Variants in ZFPM1 observed in about 807,000 individuals in gnomAD.
The protein encoded by ZFPM1 is zinc finger protein, FOG family member 1.
ZFPM1 carries 28 observed loss-of-function variants against 46.3 expected under a neutral mutation model. The observed-to-expected ratio is 0.60, with a 90% CI of 0.45 to 0.83. ZFPM1 has a LOEUF of 0.83. ZFPM1 is among the 40% of genes least tolerant of loss of function. ZFPM1 has a pLI of 0.00. For synonymous variants in ZFPM1, 957 were observed against 675.9 expected (o/e 1.42, Z -6.45); for missense variants, 1,878 against 1,432.4 (o/e 1.31, Z -5.02).
chr16:88,526,858 G>A lies in ZFPM1; in HGVS notation c.447G>A (p.Leu149=), dbSNP rs761061608. ...TGCTGGTGGACGAGGCCTGCTGGCTGAGGACGCTGCCCCAGGCCCTGACTG... is the reference window on the plus strand; with the variant it reads ...TGCTGGTGGACGAGGCCTGCTGGCTAAGGACGCTGCCCCAGGCCCTGACTG... ...TLLLVDEACW[L]RTLPQALTEA... Residue 149 remains leucine, a synonymous_variant, in exon 5 of 10, where the codon CTG becomes CTA. Coordinates refer to ENST00000319555, the MANE Select transcript of ZFPM1 (RefSeq NM_153813.3). The A allele has an allele frequency of 1.6e-5, 25 of 1,574,920 alleles. No homozygotes were observed. The highest frequency in any genetic ancestry group is 3.6e-5 in the Admixed American group (2 of 55,148).
At chr16:88,509,799 A>AC (rs1480010766) in intron 3 of ZFPM1, among the ~76,000 whole-genome samples, 2 of 151,878 alleles carry the variant, frequency 1.3e-5, no homozygotes, top group East Asian at 3.9e-4. Flanking sequence ...CTGCTATGTG[A>AC]CCCCCAGCTG....
intron 4 of ZFPM1, among the ~76,000 whole-genome samples, chr16:88,520,266 G>A (rs767442967): frequency 2.0e-5 from 3 of 151,510 alleles, no homozygotes; most frequent in Non-Finnish European, 4.4e-5. Context: ...ATGGATGAGT[G>A]GATGGATGGA....
intron 9 of ZFPM1, 100 bp from the exon 10 acceptor site, chr16:88,533,048 C>T: frequency 2.0e-6 from 3 of 1,485,544 alleles, no homozygotes; most frequent in South Asian, 2.7e-5. Context: ...CGCTCTAAAC[C>T]ACTCCCGCCC....
intron 3 of ZFPM1, among the ~76,000 whole-genome samples, chr16:88,505,425 C>T (rs928749853): frequency 1.3e-5 from 2 of 152,230 alleles, no homozygotes; most frequent in African/African-American, 2.4e-5. Flanking sequence ...GGGACACAGC[C>T]GTTCAACAGC....
At chr16:88,490,854 G>C (rs1254338545) in intron 3 of ZFPM1, among the ~76,000 whole-genome samples, 4 of 152,222 alleles carry the variant, frequency 2.6e-5, no homozygotes, top group Non-Finnish European at 4.4e-5. Context: ...CGGGCATCCA[G>C]CACAGCAGAT....
At chr16:88,460,027 G>A (rs1477282864) in intron 1 of ZFPM1, among the ~76,000 whole-genome samples, 60 of 151,740 alleles carry the variant, frequency 4.0e-4, no homozygotes, top group Admixed American at 3.9e-3. Flanking sequence ...CCTCTAGCTG[G>A]CTGGCCCTTC....
chr16:88,510,312 CG>C (rs1255744845), intron 3 of ZFPM1, among the ~76,000 whole-genome samples: 13 of 152,206 alleles, frequency 8.5e-5, no homozygotes, highest in Non-Finnish European at 1.9e-4. Context: ...CCAGACCCAC[CG>C]GGCTCCCCTC....
chr16:88,499,645 G>A (rs12232460), intron 3 of ZFPM1, among the ~76,000 whole-genome samples: 8,725 of 152,310 alleles, frequency 0.057, 291 homozygotes, highest in South Asian at 0.11. Context: ...GGTGGAGGAC[G>A]GCTCAGGGGC....
At chr16:88,523,806 G>A (rs1042962823) in intron 4 of ZFPM1, among the ~76,000 whole-genome samples, 8 of 152,174 alleles carry the variant, frequency 5.3e-5, no homozygotes, top group African/African-American at 1.2e-4. Flanking sequence ...CCGGGTCGGG[G>A]GCGGGTGCCG....
At chr16:88,513,361 A>G (rs1911086759) in intron 3 of ZFPM1, 1 of 152,276 alleles carries the variant, frequency 6.6e-6, no homozygotes, top group Non-Finnish European at 1.5e-5. Context: ...GCGTATTTAC[A>G]TGTTATCTCT....
rs2142351885 is a variant in ZFPM1 at position 88,469,027 on chromosome 16, C to T, written c.40+15349C>T. On this transcript the variant is annotated intron_variant, in intron 1 of 9. Transcript: ENST00000319555. The surrounding 1 kb of genome is among the most constrained non-coding windows in gnomAD (Gnocchi z 4.3). ...AGACCCACGTGGCCTCAGTTGGGGA[C>T]CAGGACCCAGGAGTTCCCGAGAGGA... is the stretch of plus-strand genomic sequence containing the variant. 6.5e-6 allele frequency: 1 copy of T among 154,340 alleles called. No homozygotes were observed. Among genetic ancestry groups the T allele is most frequent in the Admixed American group, 6.5e-5 (1 of 15,302 alleles). 9.6% of individuals were successfully genotyped at this position (154,340 alleles called of 1,614,324 possible).
At chr16:88,483,408 C>T (rs1426871739) in intron 1 of ZFPM1, among the ~76,000 whole-genome samples, 1 of 152,206 alleles carries the variant, frequency 6.6e-6, no homozygotes. Flanking sequence ...CACCCTGGCC[C>T]CCGACCTCCC....
chr16:88,516,732 C>T (rs974176855), intron 4 of ZFPM1: 4 of 396,328 alleles, frequency 1.0e-5, no homozygotes, highest in African/African-American at 6.2e-5. Flanking sequence ...CCCGACCCCT[C>T]CCTGAGGAGG....
intron 4 of ZFPM1, among the ~76,000 whole-genome samples, chr16:88,524,040 T>C (rs1912118701): frequency 6.6e-6 from 1 of 152,068 alleles, no homozygotes; most frequent in Non-Finnish European, 1.5e-5. Context: ...CTCCTGGGAG[T>C]GATAAGCATT....
At chr16:88,457,781 G>A (rs1907622365) in intron 1 of ZFPM1, among the ~76,000 whole-genome samples, 2 of 152,138 alleles carry the variant, frequency 1.3e-5, no homozygotes, top group South Asian at 4.2e-4. Flanking sequence ...ACGAGGCACC[G>A]CACCTGCCCT....
intron 1 of ZFPM1, among the ~76,000 whole-genome samples, chr16:88,473,323 C>T (rs555820302): frequency 2.6e-5 from 4 of 152,264 alleles, no homozygotes; most frequent in Admixed American, 1.3e-4. Flanking sequence ...GAATGAAAGC[C>T]TGGAGTCTCC....
intron 1 of ZFPM1, among the ~76,000 whole-genome samples, chr16:88,474,734 G>A (rs1325417435): frequency 1.3e-5 from 2 of 152,166 alleles, no homozygotes; most frequent in African/African-American, 4.8e-5. Context: ...CCGAGCCTCC[G>A]CGGCATCCTC....
In ZFPM1 at chr16:88,471,529, G is replaced by A. The variant is rs1908422043; in HGVS notation, c.41-14410G>A. 6.6e-6 allele frequency among the ~76,000 whole-genome samples: 1 copy of A among 152,174 alleles called. No homozygotes were observed. Among genetic ancestry groups the A allele is most frequent in the South Asian group, 2.1e-4 (1 of 4,816 alleles). On this transcript the variant is annotated intron_variant, in intron 1 of 9. Transcript: ENST00000319555. This position sits in a 1 kb window ranked among gnomAD's most constrained non-coding sequence, Gnocchi z 4.1. ...AGTGGCTCCCACGCATAGTGGAGGG[G>A]CCAAGACCCCAAGATGACCATGGCT...
intron 1 of ZFPM1, among the ~76,000 whole-genome samples, chr16:88,457,073 A>G (rs1907591479): frequency 6.6e-6 from 1 of 152,224 alleles, no homozygotes. Flanking sequence ...TCCAAGCTTC[A>G]AAGTCACCCA....
Sources: allele counts gnomAD v4.1 joint callset (sites outside exome capture counted in the v4.1 genomes callset), GRCh38; gene constraint gnomAD v4.1.1; non-coding constraint Gnocchi (gnomAD v3.1); transcripts MANE v1.5; gene names NCBI Gene and HGNC (gene_info 2026-07-23, HGNC 2026-07-21).